CEP63: variants seen among roughly 807,000 people sequenced by gnomAD.
CEP63 encodes the protein centrosomal protein of 63 kDa.
CEP63 carries 84 observed loss-of-function variants against 89.1 expected under a neutral mutation model. The ratio of observed to expected loss-of-function variants is 0.94; its 90% confidence interval spans 0.79 to 1.13. The LOEUF (loss-of-function observed/expected upper bound fraction) is 1.13, where lower values mean the gene tolerates loss of function less well. Ranked by LOEUF, CEP63 falls within the 50% of genes most tolerant of loss-of-function variation. The pLI is 0.00. For synonymous variants in CEP63, 267 were observed against 272.5 expected, an observed-to-expected ratio of 0.98 and a Z score of 0.20; for missense variants, 838 against 813.3, an observed-to-expected ratio of 1.03 and a Z score of -0.37.
At position 134,564,267 on chromosome 3, in the gene CEP63, C is replaced by T. The variant is rs770054737; in HGVS notation, c.*2732C>T. ...AATGGAAAATGCCATTCCTGAGGTG[C>T]ACCACATCGTTTCTTTTGTGTTGGT... On this transcript the variant is annotated 3_prime_UTR_variant, in exon 15 of 15. Coordinates refer to ENST00000675561, the MANE Select transcript of CEP63 (RefSeq NM_001353108.3). 2.0e-6 allele frequency: 2 copies of T among 985,442 alleles called. No homozygotes were observed. Among genetic ancestry groups the T allele is most frequent in the Non-Finnish European group, 2.4e-6 (2 of 829,964 alleles). The allele number at this position is 985,442 out of a possible 1,614,324, so 61.0% of individuals were successfully genotyped here.
rs116992472 is a variant in CEP63, at chr3:134,544,248, C to T, written c.556-1338C>T. Among the ~76,000 whole-genome samples, 44 of 152,198 alleles carry T rather than the reference C, an allele frequency of 2.9e-4. No individual in the cohort carries two copies. The East Asian group carries it at 8.5e-3, about 29-fold the overall frequency. ...AATATTTCGAGTAAGGGAAGTTTAC[C>T]TCTACAGATTATTTATATTCATCTT... On this transcript the variant is annotated intron_variant, in intron 6 of 14. Coordinates refer to ENST00000675561, the MANE Select transcript of CEP63 (RefSeq NM_001353108.3).
At chr3:134,568,983 A>G (rs989536351), downstream of CEP63, among the ~76,000 whole-genome samples, 4 of 152,188 alleles carry the variant, frequency 2.6e-5, no homozygotes, top group African/African-American at 9.7e-5. Context: ...TCTTACATGG[A>G]GGGCAGCAGG....
chr3:134,773,735 T>C, the CEP63 span, among the ~76,000 whole-genome samples: 1 of 152,078 alleles, frequency 6.6e-6, no homozygotes, highest in South Asian at 2.1e-4. Context: ...CCTGATTAAA[T>C]GTTGCCTCCT....
At position 134,562,266 on chromosome 3, in the gene CEP63, A is replaced by T; in HGVS notation, c.*731A>T. ...ATCTGGATGTTGATGTGCCGCAGGC[A>T]TTTGAAACGATGGGAGTTGATAAGA... On this transcript the variant is annotated 3_prime_UTR_variant, in exon 15 of 15. Transcript: ENST00000675561. The T allele has an allele frequency of 9.3e-6, 9 of 966,706 alleles. No homozygotes were observed. The highest frequency in any genetic ancestry group is 1.1e-5 in the Non-Finnish European group (9 of 812,556). The allele number at this position is 966,706 out of a possible 1,614,324, so 59.9% of individuals were successfully genotyped here.
chr3:134,693,680 T>C, the CEP63 span, among the ~76,000 whole-genome samples: 1 of 152,228 alleles, frequency 6.6e-6, no homozygotes, highest in Admixed American at 6.5e-5. Context: ...GAGAAACTTC[T>C]TGTTTGGGCT....
At chr3:134,706,668 A>G in the CEP63 span, among the ~76,000 whole-genome samples, 3 of 152,208 alleles carry the variant, frequency 2.0e-5, no homozygotes, top group Admixed American at 2.0e-4. Context: ...AATTATGCAA[A>G]CATGGTGGCT....
the CEP63 span, among the ~76,000 whole-genome samples, chr3:134,681,156 A>G: frequency 3.9e-5 from 6 of 152,334 alleles, no homozygotes; most frequent in East Asian, 7.7e-4. Flanking sequence ...GAGCCAGGAA[A>G]GCAGACACCA....
At chr3:134,668,394 G>A in the CEP63 span, among the ~76,000 whole-genome samples, 1 of 152,132 alleles carries the variant, frequency 6.6e-6, no homozygotes, top group Non-Finnish European at 1.5e-5. Flanking sequence ...CTTCTTATCT[G>A]CCAAGCTGTC....
At chr3:134,682,067 A>T in the CEP63 span, among the ~76,000 whole-genome samples, 1 of 152,164 alleles carries the variant, frequency 6.6e-6, no homozygotes, top group African/African-American at 2.4e-5. Flanking sequence ...GAGAGCTCAG[A>T]GGGTGAGTTT....
chr3:134,714,510 T>G, the CEP63 span, among the ~76,000 whole-genome samples: 1 of 152,184 alleles, frequency 6.6e-6, no homozygotes, highest in Non-Finnish European at 1.5e-5. Flanking sequence ...ACCTCAGGCC[T>G]GCTCCCAGGG....
At chr3:134,682,648 T>A in the CEP63 span, among the ~76,000 whole-genome samples, 1 of 152,170 alleles carries the variant, frequency 6.6e-6, no homozygotes, top group South Asian at 2.1e-4. Flanking sequence ...AAGCAACCAT[T>A]CAGCCTGCAT....
the CEP63 span, among the ~76,000 whole-genome samples, chr3:134,717,806 A>G: frequency 2.6e-5 from 4 of 152,196 alleles, no homozygotes; most frequent in Admixed American, 2.0e-4. Context: ...TAGAAGCAAG[A>G]TGATCTAAGA....
chr3:134,494,264 G>A (rs925646305), intron 1 of CEP63, among the ~76,000 whole-genome samples: 4 of 151,454 alleles, frequency 2.6e-5, no homozygotes, highest in Non-Finnish European at 5.9e-5. Flanking sequence ...ACAGGTGCAT[G>A]CCACCATGCC....
chr3:134,762,729 G>T, the CEP63 span, among the ~76,000 whole-genome samples: 1 of 152,282 alleles, frequency 6.6e-6, no homozygotes, highest in African/African-American at 2.4e-5. Context: ...CAGATGTCTA[G>T]CCTCCAGAAC....
the CEP63 span, chr3:134,607,305 G>A: frequency 1.0e-6 from 1 of 985,546 alleles, no homozygotes; most frequent in African/African-American, 1.7e-5. Context: ...GGCAAAGGAA[G>A]TCATTGTGTG....
intron 1 of CEP63, among the ~76,000 whole-genome samples, chr3:134,493,613 A>T (rs1938538731): frequency 6.6e-6 from 1 of 152,136 alleles, no homozygotes; most frequent in Admixed American, 6.5e-5. Context: ...AAATAGATGC[A>T]AATAAGGTGC....
the CEP63 span, among the ~76,000 whole-genome samples, chr3:134,669,970 T>A: frequency 1.1e-4 from 17 of 152,298 alleles, no homozygotes; most frequent in African/African-American, 3.6e-4. Context: ...CTGAATGGGA[T>A]TAGTGCCCTT....
At chr3:134,494,150 C>T (rs1559857524) in intron 1 of CEP63, among the ~76,000 whole-genome samples, 1 of 151,626 alleles carries the variant, frequency 6.6e-6, no homozygotes, top group African/African-American at 2.4e-5. Flanking sequence ...GAATCTCTGT[C>T]TGCCACCCAG....
chr3:134,489,010 C>T (rs897883832), intron 1 of CEP63, among the ~76,000 whole-genome samples: 1 of 151,902 alleles, frequency 6.6e-6, no homozygotes, highest in Non-Finnish European at 1.5e-5. Flanking sequence ...GAAAAATTAG[C>T]CGGGCGTGGT....
Sources: gnomAD v4.1 joint callset for allele counts (sites outside exome capture counted in the v4.1 genomes callset) on GRCh38, gnomAD v4.1.1 for gene constraint, MANE v1.5 for transcripts, NCBI Gene and HGNC (gene_info 2026-07-23, HGNC 2026-07-21) for gene names.